The following MCF2L2 variants were observed in gnomAD, a reference collection of about 807,000 sequenced individuals.
The protein encoded by MCF2L2 is MCF.2 cell line derived transforming sequence-like 2, also known as probable guanine nucleotide exchange factor MCF2L2.
Under a neutral mutation model 150.2 loss-of-function variants are expected in MCF2L2, and 102 were observed. The ratio of observed to expected loss-of-function variants is 0.68; its 90% CI spans 0.58 to 0.80. MCF2L2 has a LOEUF of 0.80. MCF2L2 is among the 30% of genes least tolerant of loss of function. The pLI is 0.00. For synonymous variants in MCF2L2, 465 were observed against 491.3 expected, an observed-to-expected ratio of 0.95 and a Z score of 0.71; for missense variants, 1,256 against 1,372.8, an observed-to-expected ratio of 0.91 and a Z score of 1.34.
chr3:183,320,995 G>C (rs1036105316), intron 6 of MCF2L2, among the ~76,000 whole-genome samples: 1 of 152,192 alleles, frequency 6.6e-6, no homozygotes, highest in Non-Finnish European at 1.5e-5. Context: ...GAGAGGGAGA[G>C]AGACAGGTGA....
intron 1 of MCF2L2, among the ~76,000 whole-genome samples, chr3:183,396,526 G>C (rs1448699983): frequency 6.6e-6 from 1 of 152,082 alleles, no homozygotes; most frequent in Non-Finnish European, 1.5e-5. Flanking sequence ...AGATCACATT[G>C]ACTTTAGATG....
At chr3:183,275,514 CAT>C (rs1273648013) in intron 15 of MCF2L2, among the ~76,000 whole-genome samples, 2 of 152,308 alleles carry the variant, frequency 1.3e-5, no homozygotes, top group East Asian at 1.9e-4. Flanking sequence ...TTTGCAAGAA[CAT>C]AAAGATATTT....
chr3:183,267,338 A>G lies in MCF2L2; in HGVS notation c.1862+9534T>C, dbSNP rs1380804258. ...CAAAGTCTGAATGGGGCTTGGCTCT[A>G]ATCTCTAGTCCTCATTGGACATTTT... On this transcript the variant is annotated intron_variant, in intron 15 of 29. Transcript: ENST00000328913. The surrounding 1 kb of genome is among the most constrained non-coding windows in gnomAD (Gnocchi z 5.5). 2.0e-5 allele frequency among the ~76,000 whole-genome samples: 3 copies of G among 152,228 alleles called. No homozygotes were observed. The highest frequency in any genetic ancestry group is 4.8e-5 in the African/African-American group (2 of 41,454).
At chr3:183,334,887 T>C (rs1335820214) in intron 5 of MCF2L2, among the ~76,000 whole-genome samples, 1 of 151,670 alleles carries the variant, frequency 6.6e-6, no homozygotes, top group Non-Finnish European at 1.5e-5. Flanking sequence ...GACAGATGGC[T>C]TGAGTCCAGG....
In MCF2L2 at chr3:183,322,809, G is replaced by A. The variant is rs868663116; in HGVS notation, c.603+426C>T. On this transcript the variant is annotated intron_variant, in intron 6 of 29. Coordinates refer to ENST00000328913, the MANE Select transcript of MCF2L2 (RefSeq NM_015078.4). ...CACCTTCTCACCTATAGTAGTCCCCGGGGGGTGACACTATTTAAATGTAGC... is the reference window on the plus strand; with the variant it reads ...CACCTTCTCACCTATAGTAGTCCCCAGGGGGTGACACTATTTAAATGTAGC... Among the ~76,000 whole-genome samples the A allele has an allele frequency of 1.2e-4, 19 of 152,088 alleles. 1 individual carries two copies. In the Middle Eastern group the frequency reaches 0.01, roughly 82 times the overall value.
chr3:183,302,586 G>A (rs1728908373), intron 10 of MCF2L2, among the ~76,000 whole-genome samples: 3 of 152,104 alleles, frequency 2.0e-5, no homozygotes, highest in Admixed American at 1.3e-4. Flanking sequence ...GACCACTCCC[G>A]GTACAGTGTC....
At chr3:183,318,287 A>G (rs1244186033) in intron 6 of MCF2L2, 70 bp from the exon 7 acceptor site, 8 of 1,540,858 alleles carry the variant, frequency 5.2e-6, no homozygotes, top group African/African-American at 2.7e-5. Flanking sequence ...TGATGGAAAG[A>G]CAACAGATTT....
At chr3:183,391,897 C>T (rs5854981) in intron 1 of MCF2L2, among the ~76,000 whole-genome samples, 21,624 of 144,936 alleles carry the variant, frequency 0.15, 3,207 homozygotes, top group African/African-American at 0.43. Flanking sequence ...TTTGATTTCT[C>T]TTTTTTAAGA....
intron 27 of MCF2L2, among the ~76,000 whole-genome samples, chr3:183,191,034 T>C (rs1399033509): frequency 1.3e-5 from 2 of 151,894 alleles, no homozygotes; most frequent in Non-Finnish European, 2.9e-5. Flanking sequence ...TACAGGCGTG[T>C]ACCACCATGC....
At chr3:183,203,418 T>C (rs527369961) in intron 25 of MCF2L2, among the ~76,000 whole-genome samples, 2 of 152,304 alleles carry the variant, frequency 1.3e-5, no homozygotes, top group Admixed American at 1.3e-4. Context: ...AAATTCTAGA[T>C]TTCAAAAGTA....
Position 183,270,290 on chromosome 3 carries a change from T to C in MCF2L2, c.1862+6582A>G. On this transcript the variant is annotated intron_variant, in intron 15 of 29. Coordinates refer to ENST00000328913, the MANE Select transcript of MCF2L2 (RefSeq NM_015078.4). The surrounding 1 kb of genome is among the most constrained non-coding windows in gnomAD (Gnocchi z 4.5). ...TAATTCAGCAAGACTTTGTTGATTC[T>C]TTCTACAATCTTACTCTGAAATTAC... 1.2e-6 allele frequency: 2 copies of C among 1,614,242 alleles called. No homozygotes were observed. The highest frequency in any genetic ancestry group is 2.2e-5 in the South Asian group (2 of 91,078).
intron 1 of MCF2L2, among the ~76,000 whole-genome samples, chr3:183,421,044 G>A (rs1438364917): frequency 6.6e-6 from 1 of 152,132 alleles, no homozygotes; most frequent in Non-Finnish European, 1.5e-5. Context: ...AGAGTTGGTT[G>A]TTACCCTCAT....
At chr3:183,372,750 A>C (rs1362479579) in intron 3 of MCF2L2, 1 of 152,228 alleles carries the variant, frequency 6.6e-6, no homozygotes, top group Non-Finnish European at 1.5e-5. Flanking sequence ...CATTGATATG[A>C]AATACTGCTC....
intron 3 of MCF2L2, among the ~76,000 whole-genome samples, chr3:183,357,650 G>A (rs752740672): frequency 6.6e-6 from 1 of 152,138 alleles, no homozygotes; most frequent in Non-Finnish European, 1.5e-5. Context: ...TTCAGCTGCA[G>A]TGTATCTTTT....
At position 183,318,089 on chromosome 3, in the gene MCF2L2, T is replaced by C. The variant is rs1322146945; in HGVS notation, c.732A>G (p.Thr244=). 6.2e-7 allele frequency: 1 copy of C among 1,614,034 alleles called. No homozygotes were observed. Among genetic ancestry groups the C allele is most frequent in the South Asian group, 1.1e-5 (1 of 91,052 alleles). ...TCACCTGCAGCTTGTCCCGCTGCCT[T>C]GTGTGGGACATGAGAAGGTCTTCCG... ...LSTEDLLMSH[T]RQRDKLQDEL... Residue 244 remains threonine (T), a synonymous_variant, in exon 7 of 30, where the codon ACA becomes ACG. Coordinates refer to ENST00000328913, the MANE Select transcript of MCF2L2 (RefSeq NM_015078.4).
chr3:183,363,735 G>T (rs2108569218), intron 3 of MCF2L2, among the ~76,000 whole-genome samples: 1 of 152,134 alleles, frequency 6.6e-6, no homozygotes, highest in East Asian at 1.9e-4. Context: ...CAGGTAGAAA[G>T]AAATACACTT....
chr3:183,348,241 T>C (rs1015484379), intron 3 of MCF2L2, among the ~76,000 whole-genome samples: 7 of 152,152 alleles, frequency 4.6e-5, no homozygotes, highest in African/African-American at 1.7e-4. Context: ...AACGAGTTCA[T>C]GTTCTTTGCA....
At chr3:183,411,727 C>T (rs1053554035) in intron 1 of MCF2L2, among the ~76,000 whole-genome samples, 1 of 151,950 alleles carries the variant, frequency 6.6e-6, no homozygotes, top group Non-Finnish European at 1.5e-5. Flanking sequence ...GCTACCCAGA[C>T]TCCCTGACAT....
At chr3:183,258,743 T>A (rs1576979985) in intron 15 of MCF2L2, among the ~76,000 whole-genome samples, 1 of 152,180 alleles carries the variant, frequency 6.6e-6, no homozygotes, top group African/African-American at 2.4e-5. Flanking sequence ...TCTTTTTTTT[T>A]ATTTTTATGT....
Sources: allele counts gnomAD v4.1 joint callset (sites outside exome capture counted in the v4.1 genomes callset), GRCh38; gene constraint gnomAD v4.1.1; non-coding constraint Gnocchi (gnomAD v3.1); transcripts MANE v1.5; gene names NCBI Gene and HGNC (gene_info 2026-07-23, HGNC 2026-07-21).